The following SPIDR variants were observed in gnomAD, a reference collection of about 807,000 sequenced individuals.
The protein encoded by SPIDR is scaffold protein involved in DNA repair, also known as DNA repair-scaffolding protein.
In SPIDR, 93 loss-of-function variants were observed where a neutral mutation model predicts 104.6. The ratio of observed to expected loss-of-function variants is 0.89; its 90% confidence interval spans 0.75 to 1.06. The LOEUF (loss-of-function observed/expected upper bound fraction) is 1.06. Ranked by LOEUF, SPIDR falls within the 50% of genes least tolerant of loss-of-function variation. The pLI is 0.00. For missense variants in SPIDR, 1,154 were observed against 1,111.2 expected (o/e 1.04, Z -0.55); for synonymous variants, 431 against 416.9 (o/e 1.03, Z -0.41).
chr8:47,414,033 G>T (rs112307113), intron 7 of SPIDR, among the ~76,000 whole-genome samples: 1 of 152,200 alleles, frequency 6.6e-6, no homozygotes, highest in Non-Finnish European at 1.5e-5. Context: ...CTTACAAAAT[G>T]TAGGTCTGTA....
At chr8:47,381,652 G>A (rs2059340457) in intron 5 of SPIDR, among the ~76,000 whole-genome samples, 1 of 152,208 alleles carries the variant, frequency 6.6e-6, no homozygotes, top group Admixed American at 6.5e-5. Context: ...GTAATTGGGT[G>A]GGAGGCCTCA....
intron 5 of SPIDR, among the ~76,000 whole-genome samples, chr8:47,304,870 A>G (rs940820175): frequency 2.0e-5 from 3 of 152,266 alleles, no homozygotes; most frequent in Non-Finnish European, 2.9e-5. Context: ...CCTTGCCCTC[A>G]TGAATAGATT....
chr8:47,312,201 G>C (rs1454119091), intron 5 of SPIDR, among the ~76,000 whole-genome samples: 17 of 152,144 alleles, frequency 1.1e-4, no homozygotes, highest in Non-Finnish European at 2.2e-4. Context: ...TGTCTTTATA[G>C]CAGCATGATT....
intron 6 of SPIDR, among the ~76,000 whole-genome samples, chr8:47,401,731 CAAAG>C (rs1187541041): frequency 2.0e-5 from 3 of 152,050 alleles, no homozygotes; most frequent in African/African-American, 4.8e-5. Context: ...TCAAAAGAGA[CAAAG>C]AAGGCCATTA....
At chr8:47,338,658 A>G (rs1245604184) in intron 5 of SPIDR, among the ~76,000 whole-genome samples, 1 of 152,244 alleles carries the variant, frequency 6.6e-6, no homozygotes, top group African/African-American at 2.4e-5. Context: ...TGAACAATAA[A>G]TAAATACTTA....
intron 8 of SPIDR, among the ~76,000 whole-genome samples, chr8:47,513,764 G>A (rs1035244267): frequency 5.3e-5 from 8 of 152,180 alleles, no homozygotes; most frequent in Non-Finnish European, 1.2e-4. Flanking sequence ...TAAGGGTGAG[G>A]GAGGAGGAGA....
In SPIDR at chr8:47,599,087, G is replaced by A; in HGVS notation, c.1435G>A (p.Gly479Arg). Residue 479 changes from glycine to arginine, a missense_variant, in exon 10 of 20, where the codon GGA (glycine) becomes AGA (arginine). By Grantham distance (125) the Gly-to-Arg change is moderately radical (BLOSUM62 -2). Coordinates refer to ENST00000297423, the MANE Select transcript of SPIDR (RefSeq NM_001080394.4). Reference protein sequence around the residue: ...VESQGAASWPGAGVRVVVQRV... With the variant: ...VESQGAASWPRAGVRVVVQRV... ...AAGCCAGGGAGCTGCCTCGTGGCCA[G>A]GAGCTGGAGTCCGAGTGGTGGTGCA... is the stretch of plus-strand genomic sequence containing the variant. 1 of 1,612,980 alleles carries A rather than the reference G, an allele frequency of 6.2e-7. No homozygotes were observed. Among genetic ancestry groups the A allele is most frequent in the South Asian group, 1.1e-5 (1 of 90,892 alleles).
intron 5 of SPIDR, among the ~76,000 whole-genome samples, chr8:47,342,790 T>G (rs1303420731): frequency 6.6e-6 from 1 of 152,180 alleles, no homozygotes; most frequent in African/African-American, 2.4e-5. Flanking sequence ...TTTCTGACTT[T>G]AGGCTGTACT....
chr8:47,396,303 T>A, intron 5 of SPIDR, 73 bp from the exon 6 acceptor site: 1 of 1,216,542 alleles, frequency 8.2e-7, no homozygotes, highest in Non-Finnish European at 1.2e-6. Context: ...GAATGATAGA[T>A]GTATATAAAT....
intron 8 of SPIDR, among the ~76,000 whole-genome samples, chr8:47,495,130 T>G (rs528450636): frequency 6.6e-6 from 1 of 152,168 alleles, no homozygotes; most frequent in Admixed American, 6.5e-5. Context: ...CTGATTGAAA[T>G]AACATGGCAA....
At chr8:47,331,965 C>CTTTTT (rs1183447584) in intron 5 of SPIDR, among the ~76,000 whole-genome samples, 89 of 32,700 alleles carry the variant, frequency 2.7e-3, no homozygotes, top group East Asian at 9.0e-3. Flanking sequence ...TTTTTTTAAA[C>CTTTTT]TTTTTTTTTT....
At chr8:47,596,122 C>A in intron 9 of SPIDR, 116 bp downstream of exon 9, 1 of 850,418 alleles carries the variant, frequency 1.2e-6, no homozygotes, top group Non-Finnish European at 1.8e-6. Context: ...AAAACCCCAC[C>A]ACAAGGATGT....
intron 10 of SPIDR, among the ~76,000 whole-genome samples, chr8:47,670,125 CAG>C (rs1409536533): frequency 6.6e-6 from 1 of 152,108 alleles, no homozygotes; most frequent in South Asian, 2.1e-4. Context: ...TGTTCTCTAA[CAG>C]AAGAGCCTGG....
At chr8:47,439,483 A>G (rs2068975093) in intron 7 of SPIDR, among the ~76,000 whole-genome samples, 1 of 152,154 alleles carries the variant, frequency 6.6e-6, no homozygotes. Context: ...CTGTTGTATG[A>G]ACACACCATG....
chr8:47,388,378 C>T (rs1232414584), intron 5 of SPIDR: 1 of 154,000 alleles, frequency 6.5e-6, no homozygotes, highest in Non-Finnish European at 1.5e-5. Flanking sequence ...TTGCAAATAA[C>T]AGGAACCAAA....
intron 8 of SPIDR, among the ~76,000 whole-genome samples, chr8:47,505,820 A>G (rs904918548): frequency 6.6e-6 from 1 of 152,124 alleles, no homozygotes; most frequent in Non-Finnish European, 1.5e-5. Context: ...TTCCCTACTA[A>G]GGATATTAGT....
intron 5 of SPIDR, among the ~76,000 whole-genome samples, chr8:47,317,121 A>G (rs1051226760): frequency 6.6e-6 from 1 of 152,154 alleles, no homozygotes; most frequent in Non-Finnish European, 1.5e-5. Context: ...CAGTGGGTAC[A>G]GTGCACCCAG....
intron 8 of SPIDR, among the ~76,000 whole-genome samples, chr8:47,482,466 A>T (rs1214882939): frequency 2.0e-5 from 3 of 152,108 alleles, no homozygotes; most frequent in Non-Finnish European, 4.4e-5. Context: ...CGTCTCCTAG[A>T]TGAGACCATC....
At chr8:47,262,394 G>C (rs1214417368) in intron 1 of SPIDR, among the ~76,000 whole-genome samples, 1 of 152,168 alleles carries the variant, frequency 6.6e-6, no homozygotes, top group Non-Finnish European at 1.5e-5. Flanking sequence ...AACTGAAGCA[G>C]TTCATAACAA....
Sources: gnomAD v4.1 joint callset for allele counts (sites outside exome capture counted in the v4.1 genomes callset) on GRCh38, gnomAD v4.1.1 for gene constraint, MANE v1.5 for transcripts, NCBI Gene and HGNC (gene_info 2026-07-23, HGNC 2026-07-21) for gene names.